Variants in SPEG observed in about 807,000 individuals in gnomAD.
SPEG encodes the protein striated muscle preferentially expressed protein kinase.
In SPEG, 114 loss-of-function variants were observed where a neutral mutation model predicts 300.4. That is an observed-to-expected ratio of 0.38 (90% CI 0.33 to 0.44). SPEG has a LOEUF of 0.44. SPEG is among the 20% of genes least tolerant of loss of function. SPEG has a pLI of 1.00. For synonymous variants in SPEG, 1,964 were observed against 2,018.9 expected (o/e 0.97, Z 0.73); for missense variants, 4,201 against 4,586.2 (o/e 0.92, Z 2.43).
At chr2:219,491,748 C>T in intron 38 of SPEG, 46 bp from the exon 39 acceptor site, 1 of 1,559,904 alleles carries the variant, frequency 6.4e-7, no homozygotes, top group Non-Finnish European at 8.8e-7. Context: ...CCCCCACTTC[C>T]CTGCCACCAG....
rs992005411 is a variant in SPEG, at chr2:219,458,005, A to C, written c.2441-3877A>C. Among the ~76,000 whole-genome samples, 1 of 151,688 alleles carries C rather than the reference A, an allele frequency of 6.6e-6. No individual in the cohort carries two copies. The highest frequency in any genetic ancestry group is 2.4e-5 in the African/African-American group (1 of 41,200). On this transcript the variant is annotated intron_variant, in intron 6 of 40. Transcript: ENST00000312358. This position sits in a 1 kb window ranked among gnomAD's most constrained non-coding sequence, Gnocchi z 4.2. Reference sequence around the variant, plus strand: ...TTACCTGCTGCTCTCTTGCTACCTCATACTTCCTGCTTGCTCTTGTAGTCA... The same window carrying C: ...TTACCTGCTGCTCTCTTGCTACCTCCTACTTCCTGCTTGCTCTTGTAGTCA...
rs374088448 is a variant in SPEG at position 219,489,493 on chromosome 2, C to A, written c.8475C>A (p.Pro2825=). The change falls in exon 36 of 41, where the codon CCC becomes CCA. Residue 2825 remains proline (P), a synonymous_variant. Transcript: ENST00000312358. ...TCACTGTCAGCCCCTCATCTCCCCC[C>A]ACACCTCCTAGCCAGGCCTTGTCCT... is the stretch of plus-strand genomic sequence containing the variant. ...PSVTVSPSSP[P]TPPSQALSSL... is the part of the protein sequence containing the mutation. 1.1e-5 allele frequency: 18 copies of A among 1,612,276 alleles called. No individual in the cohort carries two copies. Among genetic ancestry groups the A allele is most frequent in the Middle Eastern group, 1.6e-4 (1 of 6,078 alleles).
chr2:219,479,546 A>G lies in SPEG; in HGVS notation c.5086-237A>G, dbSNP rs1044667852. On this transcript the variant is annotated intron_variant, in intron 23 of 40. Coordinates refer to ENST00000312358, the MANE Select transcript of SPEG (RefSeq NM_005876.5). This position sits in a 1 kb window ranked among gnomAD's most constrained non-coding sequence, Gnocchi z 5.5. ...GCAGTCCTGCCACGTCAGGCTGTACATGTTGTGCACTGCACAATTCTACTT... is the reference window on the plus strand; with the variant it reads ...GCAGTCCTGCCACGTCAGGCTGTACGTGTTGTGCACTGCACAATTCTACTT... Among the ~76,000 whole-genome samples, 1 of 152,172 alleles carries G rather than the reference A, an allele frequency of 6.6e-6. No homozygotes were observed. The highest frequency in any genetic ancestry group is 1.9e-4 in the East Asian group (1 of 5,198).
intron 33 of SPEG, 52 bp downstream of exon 33, chr2:219,488,717 G>A (rs1693678849): frequency 1.2e-6 from 2 of 1,610,952 alleles, no homozygotes; most frequent in Non-Finnish European, 1.7e-6. Flanking sequence ...GGTGGGACAG[G>A]GCTTGAGGGG....
In SPEG at chr2:219,484,512, G is replaced by C. The variant is rs1002388757; in HGVS notation, c.7049G>C (p.Arg2350Pro). The stretch of plus-strand genomic sequence containing the variant: ...GAGTCGCCCCTGTCGCTGGGGCTGC[G>C]GCTGCTGAGCCGTTCGCGCTCGGAG... ...SRESPLSLGL[R>P]LLSRSRSEER... Residue 2350 changes from arginine (R) to proline (P), a missense_variant, in exon 30 of 41, where the codon CGG becomes CCG. Arg to Pro is a moderately radical substitution (Grantham distance 103). Transcript: ENST00000312358. 1 of 1,603,490 alleles carries C rather than the reference G, an allele frequency of 6.2e-7. No homozygotes were observed. Among genetic ancestry groups the C allele is most frequent in the Admixed American group, 1.7e-5 (1 of 59,258 alleles).
chr2:219,481,822 C>T lies in SPEG; in HGVS notation c.5565+142C>T. 2.6e-6 allele frequency: 2 copies of T among 775,322 alleles called. No homozygotes were observed. Among genetic ancestry groups the T allele is most frequent in the Admixed American group, 2.1e-5 (1 of 48,614 alleles). 48.0% of individuals were successfully genotyped at this position (775,322 alleles called of 1,614,324 possible). ...ATATGACGTATTAGCCTCACAATAG[C>T]TTTGCAAAGGAAGGCATTATTAGTC... On this transcript the variant is annotated intron_variant, in intron 28 of 40. Coordinates refer to ENST00000312358, the MANE Select transcript of SPEG (RefSeq NM_005876.5). The surrounding 1 kb of genome is among the most constrained non-coding windows in gnomAD (Gnocchi z 5.4).
At chr2:219,469,457 C>T (rs1050346250) in intron 13 of SPEG, 78 bp downstream of exon 13, 119 of 1,179,348 alleles carry the variant, frequency 1.0e-4, no homozygotes, top group Non-Finnish European at 1.4e-4. Flanking sequence ...CTCTCCCCAG[C>T]TCTCCCCAGG....
chr2:219,470,491 C>A (rs1707220), intron 13 of SPEG, among the ~76,000 whole-genome samples: 1 of 152,350 alleles, frequency 6.6e-6, no homozygotes, highest in South Asian at 2.1e-4. Flanking sequence ...GTCTCAGGAT[C>A]TAAGCTGGCG....
Position 219,469,245 on chromosome 2 carries a change from T to A in SPEG, c.3581T>A (p.Leu1194Gln). The change falls in exon 13 of 41, where the codon CTG becomes CAG. Residue 1194 changes from leucine to glutamine, a missense_variant. Coordinates refer to ENST00000312358, the MANE Select transcript of SPEG (RefSeq NM_005876.5). ...TCCATTCCTGACTTCCTGCGGCCAC[T>A]GCAGGACCTGGAGGTGGGACTGGCC... ...RLSIPDFLRPLQDLEVGLAKE... is the reference protein window; with the variant it reads ...RLSIPDFLRPQQDLEVGLAKE... 6.2e-7 allele frequency: 1 copy of A among 1,613,726 alleles called. No individual in the cohort carries two copies. The highest frequency in any genetic ancestry group is 8.5e-7 in the Non-Finnish European group (1 of 1,179,912).
In SPEG at chr2:219,451,913, A is replaced by T; in HGVS notation, c.2440+106A>T. The T allele has an allele frequency of 1.7e-6, 2 of 1,194,978 alleles. No homozygotes were observed. The highest frequency in any genetic ancestry group is 1.1e-6 in the Non-Finnish European group (1 of 889,176). 74.0% of individuals were successfully genotyped at this position (1,194,978 alleles called of 1,614,324 possible). A position where few individuals can be genotyped will look rare whatever the true frequency, so the allele number is the denominator to read the frequency against. On this transcript the variant is annotated intron_variant, in intron 6 of 40. Transcript: ENST00000312358. The surrounding 1 kb of genome is among the most constrained non-coding windows in gnomAD (Gnocchi z 6.4). Reference sequence around the variant, plus strand: ...CCCACTCTCAGCCTTGAGCTTGGGCACCCCGCCAGCATACTTAGTCCATGC... The same window carrying T: ...CCCACTCTCAGCCTTGAGCTTGGGCTCCCCGCCAGCATACTTAGTCCATGC...
intron 39 of SPEG, 107 bp downstream of exon 39, chr2:219,491,976 C>T: frequency 7.5e-7 from 1 of 1,337,532 alleles, no homozygotes; most frequent in Non-Finnish European, 1.0e-6. Flanking sequence ...CCTGTACACA[C>T]ATCCACACTG....
rs200943895 is a variant in SPEG, at chr2:219,492,607, C to T, written c.9625C>T (p.Leu3209=). 1 of 1,609,624 alleles carries T rather than the reference C, an allele frequency of 6.2e-7. No individual in the cohort carries two copies. The highest frequency in any genetic ancestry group is 8.5e-7 in the Non-Finnish European group (1 of 1,179,992). ...LSVHPWSRPS[L]QDCLAHPWLQ... is the part of the protein sequence containing the mutation. Reference sequence around the variant, plus strand: ...TCTGCCTGGCAGGAGCCGGCCCTCCCTGCAGGACTGCCTGGCCCACCCATG... The same window carrying T: ...TCTGCCTGGCAGGAGCCGGCCCTCCTTGCAGGACTGCCTGGCCCACCCATG... Residue 3209 remains leucine (L), a synonymous_variant, in exon 41 of 41, where the codon CTG becomes TTG. Transcript: ENST00000312358.
rs1307290535 is a variant in SPEG, at chr2:219,448,099, C to T, written c.941C>T (p.Pro314Leu). 8 of 1,604,614 alleles carry T rather than the reference C, an allele frequency of 5.0e-6. No homozygotes were observed. Among genetic ancestry groups the T allele is most frequent in the Non-Finnish European group, 6.8e-6 (8 of 1,175,964 alleles). The stretch of plus-strand genomic sequence containing the variant: ...TCCGCGCTGCTCCCCCCACCGTCCC[C>T]TCGGGTCGGGAAGCGGTCCCCGCCG... ...SKSALLPPPS[P>L]RVGKRSPPGP... The change falls in exon 4 of 41, where the codon CCT (proline) becomes CTT (leucine). Residue 314 changes from proline (P) to leucine (L), a missense_variant. Transcript: ENST00000312358.
chr2:219,439,780 G>A lies in SPEG; in HGVS notation c.388+4415G>A, dbSNP rs1286402030. ...TGGGCCCAGCTGTCCCGTCACTCAC[G>A]CCCGCTGCCCATTGGTTATTTTTGC... On this transcript the variant is annotated intron_variant, in intron 1 of 40. Coordinates refer to ENST00000312358, the MANE Select transcript of SPEG (RefSeq NM_005876.5). The surrounding 1 kb of genome is among the most constrained non-coding windows in gnomAD (Gnocchi z 4.5). Among the ~76,000 whole-genome samples the A allele has an allele frequency of 1.3e-5, 2 of 152,110 alleles. No homozygotes were observed. Among genetic ancestry groups the A allele is most frequent in the South Asian group, 2.1e-4 (1 of 4,822 alleles).
In SPEG at chr2:219,447,985, A is replaced by C. The variant is rs755439723; in HGVS notation, c.827A>C (p.Gln276Pro). The C allele has an allele frequency of 5.0e-6, 8 of 1,612,460 alleles. No individual in the cohort carries two copies. The Admixed American group carries it at 6.7e-5, about 13-fold the overall frequency. Residue 276 changes from glutamine to proline, a missense_variant, in exon 4 of 41, where the codon CAG becomes CCG. Coordinates refer to ENST00000312358, the MANE Select transcript of SPEG (RefSeq NM_005876.5). ...RALSIHVSVP[Q>P]SGLRREEPDL... ...TCTTGGTTCTGCAGCAGCGTCCCTC[A>C]GAGCGGGTTGCGCAGGGAGGAGCCC...
At position 219,489,826 on chromosome 2, in the gene SPEG, G is replaced by A; in HGVS notation, c.8808G>A (p.Lys2936=). The A allele has an allele frequency of 6.2e-7, 1 of 1,613,540 alleles. No individual in the cohort carries two copies. The highest frequency in any genetic ancestry group is 8.5e-7 in the Non-Finnish European group (1 of 1,179,880). ...KVTVQSLSPA[K]EVVSSPGSSP... is the part of the protein sequence containing the mutation. ...CTGTGCAGAGCCTCAGCCCGGCCAA[G>A]GAGGTGGTCAGCTCCCCTGGGAGCA... The change falls in exon 36 of 41, where the codon AAG becomes AAA. Residue 2936 remains lysine, a synonymous_variant. Transcript: ENST00000312358.
Position 219,462,304 on chromosome 2 carries a change from C to T in SPEG, c.2623C>T (p.Leu875Phe). 1 of 1,564,030 alleles carries T rather than the reference C, an allele frequency of 6.4e-7. No homozygotes were observed. The highest frequency in any genetic ancestry group is 8.7e-7 in the Non-Finnish European group (1 of 1,153,078). Residue 875 changes from leucine (L) to phenylalanine (F), a missense_variant, in exon 8 of 41, where the codon CTT becomes TTT. Coordinates refer to ENST00000312358, the MANE Select transcript of SPEG (RefSeq NM_005876.5). ...TTTGGGGTACCCCCTTCAGGTCTCA[C>T]TTATGGACCAGTCAGTAAGAGAAGG... is the stretch of plus-strand genomic sequence containing the variant. ...SKAPPTFKVSLMDQSVREGQD... is the reference protein window; with the variant it reads ...SKAPPTFKVSFMDQSVREGQD...
chr2:219,479,745 C>T lies in SPEG; in HGVS notation c.5086-38C>T, dbSNP rs562261805. 3 of 1,601,478 alleles carry T rather than the reference C, an allele frequency of 1.9e-6. No homozygotes were observed. The highest frequency in any genetic ancestry group is 2.2e-5 in the East Asian group (1 of 44,814). On this transcript the variant is annotated intron_variant, in intron 23 of 40. Transcript: ENST00000312358. The surrounding 1 kb of genome is among the most constrained non-coding windows in gnomAD (Gnocchi z 5.5). ...CCTGGAGGTGTTCAGACATACACCA[C>T]CCTTCCCCCTCAGACTCTGGGCCCA...
At position 219,434,952 on chromosome 2, in the gene SPEG, T is replaced by TC; in HGVS notation, c.-20dup. On this transcript the variant is annotated 5_prime_UTR_variant, in exon 1 of 41. Coordinates refer to ENST00000312358, the MANE Select transcript of SPEG (RefSeq NM_005876.5). ...CCCCCGTGGCCGCCCAGTTCCGGCG[T>TC]CCCCCCAGCCCAGCTCTCAGTGGCC... 3 of 1,471,850 alleles carry TC rather than the reference T, an allele frequency of 2.0e-6. No individual in the cohort carries two copies. The highest frequency in any genetic ancestry group is 2.4e-5 in the Admixed American group (1 of 41,480). 91.2% of individuals were successfully genotyped at this position (1,471,850 alleles called of 1,614,324 possible).
Sources: gnomAD v4.1 joint callset for allele counts (sites outside exome capture counted in the v4.1 genomes callset) on GRCh38, gnomAD v4.1.1 for gene constraint, Gnocchi (gnomAD v3.1) non-coding constraint, MANE v1.5 for transcripts, NCBI Gene and HGNC (gene_info 2026-07-23, HGNC 2026-07-21) for gene names.